The following UGT1A8 variants were observed in gnomAD, a reference collection of about 807,000 sequenced individuals.
UGT1A8 encodes UDP-glucuronosyltransferase 1A8.
UGT1A8 carries 39 observed loss-of-function variants against 45.3 expected under a neutral mutation model. That is an observed-to-expected ratio of 0.86 (90% CI 0.67 to 1.12). UGT1A8 has a LOEUF of 1.12. Among genes scored for constraint, UGT1A8 ranks in the 50% most tolerant of loss-of-function variants. UGT1A8 has a pLI of 0.00. For synonymous variants in UGT1A8, 275 were observed against 249.2 expected (o/e 1.10, Z -0.97); for missense variants, 719 against 664.9 (o/e 1.08, Z -0.90).
intron 1 of UGT1A8, among the ~76,000 whole-genome samples, chr2:233,627,927 A>G (rs2073119408): frequency 6.6e-6 from 1 of 152,060 alleles, no homozygotes; most frequent in Non-Finnish European, 1.5e-5. Context: ...GAGCCATGAG[A>G]GATCACTTTT....
intron 1 of UGT1A8, among the ~76,000 whole-genome samples, chr2:233,669,267 A>AT (rs1418951118): frequency 2.7e-5 from 4 of 148,548 alleles, no homozygotes; most frequent in African/African-American, 1.0e-4. Flanking sequence ...TTTTTTTTCT[A>AT]TTTTTTAAAA....
chr2:233,617,713 T>A lies in UGT1A8; in HGVS notation c.6T>A (p.Ala2=). Residue 2 remains alanine, a synonymous_variant, in exon 1 of 5, where the codon GCT becomes GCA. Coordinates refer to ENST00000373450, the MANE Select transcript of UGT1A8 (RefSeq NM_019076.5). The part of the protein sequence containing the change: M[A]RTGWTSPIPL... ...GCTCGGGCTGCAGTTCTCTCATGGC[T>A]CGCACAGGGTGGACCAGCCCCATTC... The A allele has an allele frequency of 6.2e-7, 1 of 1,612,588 alleles. No individual in the cohort carries two copies. The highest frequency in any genetic ancestry group is 8.5e-7 in the Non-Finnish European group (1 of 1,179,164).
intron 1 of UGT1A8, chr2:233,721,450 G>C (rs970104665): frequency 6.0e-6 from 1 of 165,414 alleles, no homozygotes; most frequent in South Asian, 1.7e-4. Flanking sequence ...GTTATAGTGA[G>C]CACCCAATAA....
chr2:233,757,353 G>C (rs373045458), intron 1 of UGT1A8, among the ~76,000 whole-genome samples: 1 of 151,254 alleles, frequency 6.6e-6, no homozygotes, highest in African/African-American at 2.4e-5. Flanking sequence ...GGGTCTGAGA[G>C]ACAGTGGTAG....
In UGT1A8 at chr2:233,684,030, G is replaced by T. The variant is rs144609680; in HGVS notation, c.855+65468G>T. Among the ~76,000 whole-genome samples the T allele has an allele frequency of 7.9e-5, 12 of 152,296 alleles. No individual in the cohort carries two copies. In the East Asian group the frequency reaches 2.3e-3, roughly 29 times the overall value. The stretch of plus-strand genomic sequence containing the variant: ...TAAGATTCTTGGCAAATGCATAGTT[G>T]CTAAATCCAGGTGAAACACCTGGTG... On this transcript the variant is annotated intron_variant, in intron 1 of 4. Coordinates refer to ENST00000373450, the MANE Select transcript of UGT1A8 (RefSeq NM_019076.5).
intron 1 of UGT1A8, chr2:233,743,023 A>G (rs574856700): frequency 4.1e-6 from 1 of 244,096 alleles, no homozygotes; most frequent in East Asian, 1.0e-4. Context: ...CGATTGAAAG[A>G]CAAACAGAGG....
chr2:233,708,997 C>T (rs897190576), intron 1 of UGT1A8, among the ~76,000 whole-genome samples: 18 of 152,144 alleles, frequency 1.2e-4, no homozygotes, highest in African/African-American at 3.6e-4. Context: ...TGGCATCCTT[C>T]TCAGTGTCAT....
At position 233,767,071 on chromosome 2, in the gene UGT1A8, G is replaced by A. The variant is rs1451220464; in HGVS notation, c.893G>A (p.Gly298Glu). The A allele has an allele frequency of 2.3e-5, 37 of 1,614,098 alleles. No individual in the cohort carries two copies. The highest frequency in any genetic ancestry group is 3.1e-5 in the Non-Finnish European group (37 of 1,180,012). ...EAYINASGEHGIVVFSLGSMV... is the reference protein window; with the variant it reads ...EAYINASGEHEIVVFSLGSMV... Reference sequence around the variant, plus strand: ...TACATTAATGCTTCTGGAGAACATGGAATTGTGGTTTTCTCTTTGGGATCA... The same window carrying A: ...TACATTAATGCTTCTGGAGAACATGAAATTGTGGTTTTCTCTTTGGGATCA... The change falls in exon 2 of 5, where the codon GGA becomes GAA. Residue 298 changes from glycine to glutamate, a missense_variant. Transcript: ENST00000373450.
At chr2:233,673,073 A>C (rs1319361488) in intron 1 of UGT1A8, among the ~76,000 whole-genome samples, 10 of 152,204 alleles carry the variant, frequency 6.6e-5, no homozygotes, top group Non-Finnish European at 1.5e-4. Context: ...GTAAGAAATG[A>C]AACTTCCCTT....
At chr2:233,756,500 A>G (rs976556517) in intron 1 of UGT1A8, 2 of 152,096 alleles carry the variant, frequency 1.3e-5, no homozygotes, top group East Asian at 1.9e-4. Context: ...GCCCAAGTAT[A>G]TGGAGGGTCA....
intron 1 of UGT1A8, among the ~76,000 whole-genome samples, chr2:233,737,339 C>T (rs1412051076): frequency 6.6e-6 from 1 of 152,240 alleles, no homozygotes; most frequent in Non-Finnish European, 1.5e-5. Context: ...GAGCAAGGCT[C>T]CGTGGGCATG....
chr2:233,700,834 T>C (rs1000855869), intron 1 of UGT1A8, among the ~76,000 whole-genome samples: 1 of 152,120 alleles, frequency 6.6e-6, no homozygotes, highest in Admixed American at 6.5e-5. Flanking sequence ...AACTCGTCAT[T>C]TAGCATTAGG....
chr2:233,658,674 A>G (rs2125485440), intron 1 of UGT1A8, among the ~76,000 whole-genome samples: 2 of 152,306 alleles, frequency 1.3e-5, no homozygotes, highest in East Asian at 3.9e-4. Context: ...TAAGACCACA[A>G]AGGTAATGTC....
intron 1 of UGT1A8, among the ~76,000 whole-genome samples, chr2:233,722,482 A>G (rs1187534654): frequency 6.6e-6 from 1 of 151,926 alleles, no homozygotes; most frequent in Non-Finnish European, 1.5e-5. Context: ...TATTCTTTTC[A>G]CTGTTTCATT....
At chr2:233,746,047 C>G (rs1179932554) in intron 1 of UGT1A8, among the ~76,000 whole-genome samples, 1 of 151,694 alleles carries the variant, frequency 6.6e-6, no homozygotes, top group South Asian at 2.1e-4. Flanking sequence ...GGCTTGGATG[C>G]AGGGTCTAGA....
chr2:233,679,545 CT>C (rs113272257), intron 1 of UGT1A8, among the ~76,000 whole-genome samples: 3 of 151,408 alleles, frequency 2.0e-5, no homozygotes, highest in African/African-American at 2.4e-5. Context: ...TTTGTGTCAT[CT>C]TTTTTTTTGT....
At chr2:233,665,688 G>A (rs1414978073) in intron 1 of UGT1A8, among the ~76,000 whole-genome samples, 1 of 152,200 alleles carries the variant, frequency 6.6e-6, no homozygotes, top group Non-Finnish European at 1.5e-5. Flanking sequence ...CCAGGGAGGT[G>A]CACTGCATCC....
intron 1 of UGT1A8, among the ~76,000 whole-genome samples, chr2:233,652,921 A>G (rs993561900): frequency 6.6e-6 from 1 of 152,242 alleles, no homozygotes; most frequent in Non-Finnish European, 1.5e-5. Context: ...GTGATGTGAC[A>G]CACACATTGT....
At chr2:233,697,702 C>T (rs971545234) in intron 1 of UGT1A8, among the ~76,000 whole-genome samples, 6 of 151,892 alleles carry the variant, frequency 4.0e-5, no homozygotes, top group Non-Finnish European at 4.4e-5. Context: ...TGGATGTAGG[C>T]ATTTATTGTT....
Sources: allele counts gnomAD v4.1 joint callset (sites outside exome capture counted in the v4.1 genomes callset), GRCh38; gene constraint gnomAD v4.1.1; transcripts MANE v1.5; gene names NCBI Gene and HGNC (gene_info 2026-07-23, HGNC 2026-07-21).